PPP1R9A: variants seen among roughly 807,000 people sequenced by gnomAD.
PPP1R9A encodes neurabin-1.
PPP1R9A carries 59 observed loss-of-function variants against 141.9 expected under a neutral mutation model. That is an observed-to-expected ratio of 0.42 (90% CI 0.34 to 0.52). The LOEUF is 0.52. Ranked by LOEUF, PPP1R9A falls within the 20% of genes least tolerant of loss-of-function variation. The pLI, the probability that PPP1R9A is intolerant of heterozygous loss-of-function variation, is 0.10. For synonymous variants in PPP1R9A, 500 were observed against 569.7 expected (o/e 0.88, Z 1.74); for missense variants, 1,444 against 1,611.9 (o/e 0.90, Z 1.78).
At chr7:95,135,687 A>G (rs1267607777) in intron 4 of PPP1R9A, among the ~76,000 whole-genome samples, 1 of 150,856 alleles carries the variant, frequency 6.6e-6, no homozygotes, top group Non-Finnish European at 1.5e-5. Flanking sequence ...TTTATAATCT[A>G]TTATTTAGTA....
intron 5 of PPP1R9A, among the ~76,000 whole-genome samples, chr7:95,181,811 C>CAT (rs950174172): frequency 4.8e-5 from 7 of 144,456 alleles, no homozygotes; most frequent in African/African-American, 1.0e-4. Context: ...TATATTCCAT[C>CAT]ATATATATAT....
At chr7:95,119,881 A>G (rs1822218740) in intron 3 of PPP1R9A, among the ~76,000 whole-genome samples, 1 of 151,778 alleles carries the variant, frequency 6.6e-6, no homozygotes, top group African/African-American at 2.4e-5. Context: ...AAGTATATGT[A>G]TATATTATAG....
intron 2 of PPP1R9A, among the ~76,000 whole-genome samples, chr7:94,985,462 C>A (rs1415094878): frequency 6.6e-6 from 1 of 152,002 alleles, no homozygotes; most frequent in Non-Finnish European, 1.5e-5. Flanking sequence ...GAGTGTAAGT[C>A]TCTTTTTAGA....
At chr7:94,989,768 C>T (rs1160102391) in intron 2 of PPP1R9A, among the ~76,000 whole-genome samples, 1 of 152,028 alleles carries the variant, frequency 6.6e-6, no homozygotes, top group Non-Finnish European at 1.5e-5. Flanking sequence ...TTTTCTTATA[C>T]AACTTATTTC....
rs1815356071 is a variant in PPP1R9A at position 95,079,128 on chromosome 7, G to A, written c.1396-32131G>A. Among the ~76,000 whole-genome samples, 3 of 152,314 alleles carry A rather than the reference G, an allele frequency of 2.0e-5. No homozygotes were observed. In the South Asian group the frequency reaches 6.2e-4, roughly 32 times the overall value. ...TTATGGTTTTAGGTCTAACGTTTAA[G>A]TCTTTAATCCGTCTTGAATTAATTT... On this transcript the variant is annotated intron_variant, in intron 2 of 19. Transcript: ENST00000433360.
chr7:95,164,711 A>T (rs1830929947), intron 5 of PPP1R9A, among the ~76,000 whole-genome samples: 1 of 135,944 alleles, frequency 7.4e-6, no homozygotes, highest in African/African-American at 2.7e-5. Flanking sequence ...TTTCTCTTCC[A>T]GATTACCATG....
At chr7:95,127,738 T>G (rs2152511552) in intron 4 of PPP1R9A, among the ~76,000 whole-genome samples, 1 of 152,256 alleles carries the variant, frequency 6.6e-6, no homozygotes, top group East Asian at 1.9e-4. Context: ...ACCCAGGATT[T>G]AGCTCCCACT....
At chr7:95,143,109 T>C (rs1826993668) in intron 4 of PPP1R9A, among the ~76,000 whole-genome samples, 1 of 152,158 alleles carries the variant, frequency 6.6e-6, no homozygotes, top group African/African-American at 2.4e-5. Context: ...TTTAGCACAT[T>C]AGGGTTAGAC....
At chr7:95,077,989 T>TA (rs1488812155) in intron 2 of PPP1R9A, among the ~76,000 whole-genome samples, 15 of 148,986 alleles carry the variant, frequency 1.0e-4, no homozygotes, top group East Asian at 3.9e-4. Flanking sequence ...TTTTTTTTTT[T>TA]TAATTATACT....
chr7:95,239,423 A>T (rs1020658995), intron 8 of PPP1R9A, among the ~76,000 whole-genome samples: 11 of 152,148 alleles, frequency 7.2e-5, no homozygotes, highest in Admixed American at 2.0e-4. Context: ...GCTTTAAAAT[A>T]ATATAATCAC....
In PPP1R9A at chr7:95,284,202, A is replaced by T; in HGVS notation, c.3481A>T (p.Lys1161Ter). The change falls in exon 17 of 20, where the codon AAA becomes TAA. Residue 1161 changes from lysine (K) to a stop codon, truncating the protein, a stop_gained. Coordinates refer to ENST00000433360, the MANE Select transcript of PPP1R9A (RefSeq NM_001166160.2). LOFTEE classifies it high-confidence loss of function. Reference protein sequence around the residue: ...QPSPETLISDKKGSKVENTWI... With the variant: ...QPSPETLISD ...TTCTCCTGAGACTCTAATTTCAGAT[A>T]AAAAGGGGTCCAAGGTAGAAAACAC... 6.3e-7 allele frequency: 1 copy of T among 1,577,572 alleles called. No individual in the cohort carries two copies. The highest frequency in any genetic ancestry group is 1.1e-5 in the South Asian group (1 of 90,634).
chr7:95,216,843 T>C (rs377678509), intron 7 of PPP1R9A, among the ~76,000 whole-genome samples: 1 of 152,176 alleles, frequency 6.6e-6, no homozygotes, highest in African/African-American at 2.4e-5. Flanking sequence ...GCTGAAGTTG[T>C]TTATCAGCTT....
chr7:94,915,012 C>T (rs1216571870), intron 2 of PPP1R9A, among the ~76,000 whole-genome samples: 1 of 152,038 alleles, frequency 6.6e-6, no homozygotes, highest in African/African-American at 2.4e-5. Flanking sequence ...TTTTTCCCCT[C>T]AAATACTATT....
rs75126845 is a variant in PPP1R9A at position 95,040,316 on chromosome 7, C to CA, written c.1396-70932dup. Among the ~76,000 whole-genome samples, 795 of 136,958 alleles carry CA rather than the reference C, an allele frequency of 5.8e-3. 19 individuals are homozygous for CA. The highest frequency in any genetic ancestry group is 0.039 in the East Asian group (188 of 4,816). The allele number at this position is 136,958 out of a possible 152,430, so 89.8% of individuals were successfully genotyped here. On this transcript the variant is annotated intron_variant, in intron 2 of 19. Coordinates refer to ENST00000433360, the MANE Select transcript of PPP1R9A (RefSeq NM_001166160.2). Reference sequence around the variant, plus strand: ...ATTTTAAAGTATCCTAGGGAGGTACCAAAAAAAAAAAGTGCTATAAGGGAT... The same window carrying CA: ...ATTTTAAAGTATCCTAGGGAGGTACCAAAAAAAAAAAAGTGCTATAAGGGAT...
At position 95,120,799 on chromosome 7, in the gene PPP1R9A, T is replaced by A. The variant is rs767487845; in HGVS notation, c.1616T>A (p.Val539Glu). 1 of 1,614,066 alleles carries A rather than the reference T, an allele frequency of 6.2e-7. No homozygotes were observed. The highest frequency in any genetic ancestry group is 1.1e-5 in the South Asian group (1 of 91,048). Residue 539 changes from valine (V) to glutamate (E), a missense_variant, in exon 4 of 20, where the codon GTA becomes GAA. Coordinates refer to ENST00000433360, the MANE Select transcript of PPP1R9A (RefSeq NM_001166160.2). ...LEKLGIFVKT[V>E]TEGGAAQRDG... The stretch of plus-strand genomic sequence containing the variant: ...AAGCTGGGAATATTCGTCAAGACAG[T>A]AACAGAAGGTGGTGCTGCTCAACGG...
intron 2 of PPP1R9A, among the ~76,000 whole-genome samples, chr7:95,018,830 C>G (rs961851126): frequency 9.9e-5 from 15 of 152,070 alleles, no homozygotes; most frequent in African/African-American, 3.6e-4. Flanking sequence ...GGTGCTTTGT[C>G]TCTGATTCAG....
intron 2 of PPP1R9A, among the ~76,000 whole-genome samples, chr7:95,070,136 T>C (rs1813557635): frequency 6.6e-6 from 1 of 152,166 alleles, no homozygotes; most frequent in Admixed American, 6.6e-5. Flanking sequence ...GTTTCCAGGC[T>C]ATTGGCTTAC....
At chr7:95,098,310 C>T (rs1046282630) in intron 2 of PPP1R9A, 14 of 151,888 alleles carry the variant, frequency 9.2e-5, no homozygotes, top group Non-Finnish European at 1.3e-4. Flanking sequence ...CCCAATATCC[C>T]GCTGTGAGGA....
rs114989767 is a variant in PPP1R9A, at chr7:95,247,662, A to G, written c.2166+136A>G. 7.9e-4 allele frequency: 540 copies of G among 687,884 alleles called. 1 individual carries two copies. The African/African-American group carries it at 8.4e-3, about 11-fold the overall frequency. The allele number at this position is 687,884 out of a possible 1,614,324, so 42.6% of individuals were successfully genotyped here. A position where few individuals can be genotyped will look rare whatever the true frequency, so the allele number is the denominator to read the frequency against. ...ATGTGATAGATTCATTTTCACTGTC[A>G]GGTACGTAGACAAACCTGCCAGTGA... On this transcript the variant is annotated intron_variant, in intron 9 of 19. Coordinates refer to ENST00000433360, the MANE Select transcript of PPP1R9A (RefSeq NM_001166160.2).
Sources: allele counts gnomAD v4.1 joint callset (sites outside exome capture counted in the v4.1 genomes callset), GRCh38; gene constraint gnomAD v4.1.1; transcripts MANE v1.5; gene names NCBI Gene and HGNC (gene_info 2026-07-23, HGNC 2026-07-21).